Variants in PHF24 observed in about 807,000 individuals in gnomAD.
PHF24 encodes the protein Galpha inhibitory interacting protein.
In PHF24, 25 loss-of-function variants were observed where a neutral mutation model predicts 42.6. That is an observed-to-expected ratio of 0.59 (90% CI 0.43 to 0.82). The LOEUF (loss-of-function observed/expected upper bound fraction) is 0.82. Ranked by LOEUF, PHF24 falls within the 40% of genes least tolerant of loss-of-function variation. The pLI, the probability that PHF24 is intolerant of heterozygous loss-of-function variation, is 0.00. For synonymous variants in PHF24, 185 were observed against 204.8 expected, an observed-to-expected ratio of 0.90 and a Z score of 0.83; for missense variants, 470 against 538.1, an observed-to-expected ratio of 0.87 and a Z score of 1.25.
chr9:34,892,845 G>A, the PHF24 span: 54 of 695,596 alleles, frequency 7.8e-5, no homozygotes, highest in East Asian at 6.7e-4. Flanking sequence ...CCAGCTGACC[G>A]GGCAGCTGAC....
chr9:34,709,413 T>C, the PHF24 span: 14 of 1,609,960 alleles, frequency 8.7e-6, no homozygotes, highest in Non-Finnish European at 1.2e-5. Flanking sequence ...TTTAGGGGTC[T>C]GTGACCGCTC....
the PHF24 span, among the ~76,000 whole-genome samples, chr9:34,785,833 A>C: frequency 6.6e-6 from 1 of 152,144 alleles, no homozygotes; most frequent in Non-Finnish European, 1.5e-5. Context: ...TTCTAAAGAG[A>C]CATTCATCAT....
the PHF24 span, among the ~76,000 whole-genome samples, chr9:34,780,246 G>A: frequency 6.7e-6 from 1 of 149,596 alleles, no homozygotes; most frequent in African/African-American, 2.5e-5. Context: ...TATAGCCTTA[G>A]ATTTGGCAAT....
the PHF24 span, among the ~76,000 whole-genome samples, chr9:34,928,891 G>T: frequency 6.6e-6 from 1 of 152,178 alleles, no homozygotes; most frequent in African/African-American, 2.4e-5. Context: ...CATCTCAGTA[G>T]TCCAGGAGTC....
the PHF24 span, among the ~76,000 whole-genome samples, chr9:34,858,529 G>C: frequency 6.6e-6 from 1 of 152,134 alleles, no homozygotes; most frequent in Non-Finnish European, 1.5e-5. Context: ...GTGGCTGCAG[G>C]GGCCAGCCAA....
At chr9:34,710,554 G>A in the PHF24 span, among the ~76,000 whole-genome samples, 3 of 141,360 alleles carry the variant, frequency 2.1e-5, no homozygotes, top group Middle Eastern at 4.2e-3. Context: ...TGAAATCTCC[G>A]CCTCCTGGGC....
the PHF24 span, among the ~76,000 whole-genome samples, chr9:34,667,341 T>C: frequency 6.6e-6 from 1 of 152,212 alleles, no homozygotes; most frequent in South Asian, 2.1e-4. Context: ...CTCATTCTTG[T>C]CTTCCCTTGT....
the PHF24 span, among the ~76,000 whole-genome samples, chr9:34,764,756 G>A: frequency 6.6e-6 from 1 of 152,124 alleles, no homozygotes; most frequent in Non-Finnish European, 1.5e-5. Flanking sequence ...GAATGTGTTT[G>A]CTCTTGCTTT....
At chr9:34,832,314 T>TG in the PHF24 span, 3 of 620,250 alleles carry the variant, frequency 4.8e-6, no homozygotes, top group Non-Finnish European at 5.7e-6. Flanking sequence ...GTGCCCTGGT[T>TG]GGGGGGCACA....
chr9:34,717,253 T>G, the PHF24 span, among the ~76,000 whole-genome samples: 447 of 149,336 alleles, frequency 3.0e-3, 3 homozygotes, highest in African/African-American at 0.011. Flanking sequence ...GGTTTAGAGG[T>G]GTGGTCAATA....
the PHF24 span, among the ~76,000 whole-genome samples, chr9:34,735,641 A>G: frequency 6.6e-6 from 1 of 151,266 alleles, no homozygotes; most frequent in Non-Finnish European, 1.5e-5. Flanking sequence ...TCTACCAAAA[A>G]TACAAAAATT....
chr9:34,683,924 C>G, the PHF24 span, among the ~76,000 whole-genome samples: 3 of 152,308 alleles, frequency 2.0e-5, no homozygotes, highest in Admixed American at 6.5e-5. Context: ...GGCCACTTGG[C>G]ATCGCCTTTT....
the PHF24 span, among the ~76,000 whole-genome samples, chr9:34,869,798 AGAT>A: frequency 6.6e-6 from 1 of 152,164 alleles, no homozygotes; most frequent in Non-Finnish European, 1.5e-5. Flanking sequence ...TTATATAGCC[AGAT>A]GACCCTAATC....
chr9:34,715,065 T>G, the PHF24 span, among the ~76,000 whole-genome samples: 2 of 152,080 alleles, frequency 1.3e-5, no homozygotes, highest in Non-Finnish European at 2.9e-5. Context: ...TATTGAGGTC[T>G]GTCTGCTTGG....
At chr9:34,726,773 T>C in the PHF24 span, 1 of 1,551,668 alleles carries the variant, frequency 6.4e-7, no homozygotes, top group Admixed American at 2.0e-5. Flanking sequence ...GTGCCAGGAA[T>C]GAAACTCCAG....
chr9:34,859,172 A>G, the PHF24 span, among the ~76,000 whole-genome samples: 561 of 152,110 alleles, frequency 3.7e-3, 3 homozygotes, highest in African/African-American at 0.013. Context: ...ACAGTTTACT[A>G]TATATATTTT....
At chr9:34,753,586 A>G in the PHF24 span, among the ~76,000 whole-genome samples, 2 of 152,198 alleles carry the variant, frequency 1.3e-5, no homozygotes, top group African/African-American at 4.8e-5. Context: ...TACAGAATCA[A>G]CATAATACCT....
chr9:34,780,409 G>A, the PHF24 span, among the ~76,000 whole-genome samples: 5 of 136,486 alleles, frequency 3.7e-5, no homozygotes, highest in South Asian at 2.4e-4. Context: ...TGATCTTCCC[G>A]CCTCAGCCTC....
At chr9:34,909,344 G>C in the PHF24 span, among the ~76,000 whole-genome samples, 1 of 152,168 alleles carries the variant, frequency 6.6e-6, no homozygotes, top group East Asian at 1.9e-4. Flanking sequence ...TAGCTAGCCT[G>C]TCATCAGTGG....
Sources: gnomAD v4.1 joint callset for allele counts (sites outside exome capture counted in the v4.1 genomes callset) on GRCh38, gnomAD v4.1.1 for gene constraint, MANE v1.5 for transcripts, NCBI Gene and HGNC (gene_info 2026-07-23, HGNC 2026-07-21) for gene names.